Variants in TSGA10 observed in about 807,000 individuals in gnomAD.
TSGA10 encodes the protein testis-specific gene 10 protein.
A neutral mutation model predicts 96.6 loss-of-function variants in TSGA10; 43 were observed. The ratio of observed to expected loss-of-function variants is 0.44; its 90% CI spans 0.35 to 0.57. The LOEUF (loss-of-function observed/expected upper bound fraction) is 0.57, where lower values mean the gene tolerates loss of function less well. Among genes scored for constraint, TSGA10 ranks in the 20% least tolerant of loss-of-function variants. The pLI, the probability that TSGA10 is intolerant of heterozygous loss-of-function variation, is 0.01. For missense variants in TSGA10, 703 were observed against 834.4 expected (o/e 0.84, Z 1.94); for synonymous variants, 229 against 269.9 (o/e 0.85, Z 1.48).
chr2:99,074,354 G>A (rs1020356231), intron 12 of TSGA10, among the ~76,000 whole-genome samples: 1 of 149,714 alleles, frequency 6.7e-6, no homozygotes. Flanking sequence ...ATATTTGCGT[G>A]TGTGTGTGTG....
chr2:99,035,335 G>A lies in TSGA10; in HGVS notation c.1509C>T (p.Ser503=), dbSNP rs72813051. The A allele has an allele frequency of 1.9e-3, 3,041 of 1,613,054 alleles. 9 individuals carry two copies. Among genetic ancestry groups the A allele is most frequent in the Non-Finnish European group, 2.2e-3 (2,586 of 1,179,398 alleles). ...TAGTAGAAGACAAATCTGCAAGAGC[G>A]GACACTTTTTCAAACTGAACCTTCT... is the stretch of plus-strand genomic sequence containing the variant. ...ELQKVQFEKV[S]ALADLSSTRE... The change falls in exon 17 of 21, where the codon TCC becomes TCT. Residue 503 remains serine (S), a synonymous_variant. Coordinates refer to ENST00000393483, the MANE Select transcript of TSGA10 (RefSeq NM_025244.4).
intron 5 of TSGA10, 23 bp from the exon 6 acceptor site, chr2:99,109,535 C>T (rs1160088370): frequency 6.7e-7 from 1 of 1,494,484 alleles, no homozygotes; most frequent in Non-Finnish European, 9.0e-7. Context: ...TTATTTTGTG[C>T]TTTTTCAGTA....
chr2:99,105,337 TTTTC>T lies in TSGA10; in HGVS notation c.459+18_459+21del, dbSNP rs1227483874. 1.3e-6 allele frequency: 2 copies of T among 1,563,924 alleles called. No individual in the cohort carries two copies. The highest frequency in any genetic ancestry group is 2.2e-5 in the East Asian group (1 of 44,688). ...TTGAGTGTTTATAGCCAAAAGAGAC[TTTTC>T]TTTTTTTTTTTTTTTACATTATGAA... On this transcript the variant is annotated intron_variant, in intron 9 of 20. Transcript: ENST00000393483.
intron 15 of TSGA10, among the ~76,000 whole-genome samples, chr2:99,067,904 T>C (rs557584464): frequency 8.5e-5 from 13 of 152,096 alleles, no homozygotes; most frequent in Non-Finnish European, 1.8e-4. Context: ...TATTCTAGAA[T>C]AGATTCAGAT....
chr2:99,143,899 T>C (rs563646525), intron 1 of TSGA10, among the ~76,000 whole-genome samples: 1 of 152,328 alleles, frequency 6.6e-6, no homozygotes, highest in African/African-American at 2.4e-5. Context: ...CTGTTATTAC[T>C]ATTTTTTGTT....
At chr2:99,052,437 G>C (rs901399510) in intron 16 of TSGA10, among the ~76,000 whole-genome samples, 1 of 151,964 alleles carries the variant, frequency 6.6e-6, no homozygotes, top group Non-Finnish European at 1.5e-5. Context: ...AAAGCCTGAA[G>C]AGACCAAAGC....
chr2:99,089,440 A>G (rs11123761), intron 10 of TSGA10, among the ~76,000 whole-genome samples: 94,575 of 152,016 alleles, frequency 0.62, 29,860 homozygotes, highest in East Asian at 0.88. Flanking sequence ...GTGCAGATGC[A>G]GGCAGGAGGG....
chr2:99,085,714 GA>G (rs1305606346), intron 10 of TSGA10, among the ~76,000 whole-genome samples: 1 of 145,770 alleles, frequency 6.9e-6, no homozygotes, highest in Non-Finnish European at 1.5e-5. Flanking sequence ...AAAAGACAAG[GA>G]AAAAAGTTAC....
At chr2:99,047,108 G>A (rs1003363275) in intron 16 of TSGA10, among the ~76,000 whole-genome samples, 1 of 152,102 alleles carries the variant, frequency 6.6e-6, no homozygotes, top group Non-Finnish European at 1.5e-5. Flanking sequence ...AAAAGTCCAG[G>A]ACCAGACGGA....
chr2:99,059,680 C>T (rs1212521878), intron 16 of TSGA10, among the ~76,000 whole-genome samples: 2 of 149,932 alleles, frequency 1.3e-5, no homozygotes, highest in Non-Finnish European at 3.0e-5. Context: ...ACTTGTAAGA[C>T]AAGGGAATGT....
intron 15 of TSGA10, among the ~76,000 whole-genome samples, chr2:99,067,273 A>G (rs997270671): frequency 1.3e-5 from 2 of 152,202 alleles, no homozygotes; most frequent in Non-Finnish European, 2.9e-5. Flanking sequence ...TTGATGGTCT[A>G]TCCCTATCAA....
chr2:99,034,509 C>T (rs1432394581), intron 17 of TSGA10, among the ~76,000 whole-genome samples: 3 of 152,156 alleles, frequency 2.0e-5, no homozygotes, highest in African/African-American at 7.2e-5. Context: ...ATACATACCC[C>T]TTTAAAATTC....
At chr2:99,083,895 T>C (rs961079243) in intron 10 of TSGA10, among the ~76,000 whole-genome samples, 1 of 152,198 alleles carries the variant, frequency 6.6e-6, no homozygotes, top group South Asian at 2.1e-4. Context: ...AATGTGGTAG[T>C]AGTTACATGA....
intron 17 of TSGA10, among the ~76,000 whole-genome samples, chr2:99,022,526 C>G (rs1310297347): frequency 6.6e-6 from 1 of 151,996 alleles, no homozygotes; most frequent in Non-Finnish European, 1.5e-5. Flanking sequence ...TTAGCAGGAT[C>G]AAAACTTCAT....
intron 1 of TSGA10, among the ~76,000 whole-genome samples, chr2:99,149,402 G>A (rs1051153709): frequency 6.6e-6 from 1 of 151,336 alleles, no homozygotes; most frequent in Non-Finnish European, 1.5e-5. Context: ...CCCCTCCTTT[G>A]GGAAACTTCC....
intron 10 of TSGA10, among the ~76,000 whole-genome samples, chr2:99,092,738 C>G (rs971082118): frequency 7.9e-5 from 12 of 152,064 alleles, no homozygotes; most frequent in Admixed American, 3.3e-4. Flanking sequence ...ATTAGAAACC[C>G]TGAACTGACC....
At chr2:99,128,205 C>T (rs567581107) in intron 1 of TSGA10, among the ~76,000 whole-genome samples, 1 of 152,166 alleles carries the variant, frequency 6.6e-6, no homozygotes, top group Non-Finnish European at 1.5e-5. Flanking sequence ...TGTAACCCAG[C>T]ACTTAGACAG....
chr2:99,010,330 C>G (rs1212575134), intron 20 of TSGA10, among the ~76,000 whole-genome samples: 1 of 152,118 alleles, frequency 6.6e-6, no homozygotes, highest in Non-Finnish European at 1.5e-5. Context: ...TAGGAATATA[C>G]CAGGAAAACC....
At chr2:99,007,895 C>T (rs1273783654) in intron 20 of TSGA10, among the ~76,000 whole-genome samples, 1 of 152,112 alleles carries the variant, frequency 6.6e-6, no homozygotes, top group African/African-American at 2.4e-5. Flanking sequence ...TAGTGTGGGA[C>T]TGCACATGAA....
Sources: allele counts gnomAD v4.1 joint callset (sites outside exome capture counted in the v4.1 genomes callset), GRCh38; gene constraint gnomAD v4.1.1; transcripts MANE v1.5; gene names NCBI Gene and HGNC (gene_info 2026-07-23, HGNC 2026-07-21).